The following KLF12 variants were observed in gnomAD, a reference collection of about 807,000 sequenced individuals.
KLF12 encodes KLF transcription factor 12.
KLF12 carries 9 observed loss-of-function variants against 37.8 expected under a neutral mutation model. The observed-to-expected ratio is 0.24, with a 90% CI of 0.14 to 0.42. The LOEUF (loss-of-function observed/expected upper bound fraction) is 0.42, where lower values mean the gene tolerates loss of function less well. Among genes scored for constraint, KLF12 ranks in the 10% least tolerant of loss-of-function variants. The pLI is 1.00. For missense variants in KLF12, 411 were observed against 516.0 expected (o/e 0.80, Z 1.97); for synonymous variants, 208 against 202.1 (o/e 1.03, Z -0.25).
At chr13:74,092,296 C>CAAAAA (rs35528942) in intron 1 of KLF12, among the ~76,000 whole-genome samples, 16 of 136,860 alleles carry the variant, frequency 1.2e-4, no homozygotes, top group African/African-American at 1.4e-4. Context: ...GACTCCGTCT[C>CAAAAA]AAAAAAAAAA....
chr13:74,192,678 C>G, the KLF12 span, among the ~76,000 whole-genome samples: 4 of 151,678 alleles, frequency 2.6e-5, no homozygotes, highest in East Asian at 3.9e-4. Flanking sequence ...AATGGCAGAG[C>G]TATGATCTAC....
intron 2 of KLF12, among the ~76,000 whole-genome samples, chr13:73,971,692 A>G (rs1170243148): frequency 6.6e-6 from 1 of 152,188 alleles, no homozygotes; most frequent in Non-Finnish European, 1.5e-5. Context: ...TACTGACGTC[A>G]ATGAAAATAC....
intron 3 of KLF12, among the ~76,000 whole-genome samples, chr13:73,920,049 C>T (rs1010354476): frequency 6.6e-6 from 1 of 152,174 alleles, no homozygotes; most frequent in Non-Finnish European, 1.5e-5. Context: ...CTACTGTTAG[C>T]ATCTTTTCTC....
chr13:73,691,630 T>A lies in KLF12; in HGVS notation c.*3860A>T, dbSNP rs1028690530. Reference sequence around the variant, plus strand: ...TAGAACAACATCATGGCTACATTTCTAAGCAGTCATAACAACATAACAAAG... The same window carrying A: ...TAGAACAACATCATGGCTACATTTCAAAGCAGTCATAACAACATAACAAAG... On this transcript the variant is annotated 3_prime_UTR_variant, in exon 8 of 8. Coordinates refer to ENST00000377669, the MANE Select transcript of KLF12 (RefSeq NM_007249.5). 1 of 152,640 alleles carries A rather than the reference T, an allele frequency of 6.6e-6. No individual in the cohort carries two copies. The highest frequency in any genetic ancestry group is 1.5e-5 in the Non-Finnish European group (1 of 68,038). 9.5% of individuals were successfully genotyped at this position (152,640 alleles called of 1,614,324 possible). A position where few individuals can be genotyped will look rare whatever the true frequency, so the allele number is the denominator to read the frequency against.
intron 5 of KLF12, among the ~76,000 whole-genome samples, chr13:73,784,820 T>C (rs1446813461): frequency 6.6e-6 from 1 of 152,110 alleles, no homozygotes; most frequent in East Asian, 1.9e-4. Flanking sequence ...GCATTTTTTG[T>C]AGAGACGGGG....
At chr13:73,750,661 T>C (rs966200372) in intron 6 of KLF12, among the ~76,000 whole-genome samples, 9 of 152,202 alleles carry the variant, frequency 5.9e-5, no homozygotes, top group Admixed American at 3.9e-4. Context: ...CTGGGGTACA[T>C]GTGCAGGACA....
intron 3 of KLF12, among the ~76,000 whole-genome samples, chr13:73,885,078 G>A (rs1481744962): frequency 6.6e-6 from 1 of 152,132 alleles, no homozygotes; most frequent in Non-Finnish European, 1.5e-5. Context: ...TACTTTCCTA[G>A]GTAATCTCAC....
chr13:73,870,490 T>G (rs918593368), intron 3 of KLF12, among the ~76,000 whole-genome samples: 1 of 152,208 alleles, frequency 6.6e-6, no homozygotes, highest in Non-Finnish European at 1.5e-5. Flanking sequence ...TATTCTGACA[T>G]AGAGATAAAA....
intron 1 of KLF12, among the ~76,000 whole-genome samples, chr13:74,070,144 CAAG>C (rs775496886): frequency 4.6e-5 from 7 of 152,244 alleles, no homozygotes; most frequent in Non-Finnish European, 7.4e-5. Flanking sequence ...AATTTAGAGA[CAAG>C]AAGGAGAGGA....
At chr13:73,841,021 C>A (rs1335557620) in intron 4 of KLF12, among the ~76,000 whole-genome samples, 1 of 152,186 alleles carries the variant, frequency 6.6e-6, no homozygotes, top group African/African-American at 2.4e-5. Flanking sequence ...CTGTGCCCCT[C>A]TCCCATTAAC....
At chr13:74,182,110 A>G in the KLF12 span, among the ~76,000 whole-genome samples, 1 of 152,246 alleles carries the variant, frequency 6.6e-6, no homozygotes, top group Non-Finnish European at 1.5e-5. Flanking sequence ...ATGAAAATAA[A>G]TTGATAAGTG....
intron 3 of KLF12, among the ~76,000 whole-genome samples, chr13:73,943,628 A>T (rs1377299360): frequency 6.6e-6 from 1 of 152,202 alleles, no homozygotes; most frequent in Non-Finnish European, 1.5e-5. Context: ...AGAATCAACC[A>T]AACTATGATG....
the KLF12 span, among the ~76,000 whole-genome samples, chr13:74,175,854 C>T: frequency 6.6e-6 from 1 of 152,190 alleles, no homozygotes; most frequent in Admixed American, 6.5e-5. Context: ...TTGATGCCAG[C>T]TAATTCCAGG....
chr13:74,133,561 C>G (rs1451699868), intron 1 of KLF12, among the ~76,000 whole-genome samples: 3 of 151,984 alleles, frequency 2.0e-5, no homozygotes, highest in Non-Finnish European at 2.9e-5. Context: ...GGCCCCCTCC[C>G]GCTTCCCAGC....
the KLF12 span, among the ~76,000 whole-genome samples, chr13:74,142,971 C>A: frequency 6.6e-6 from 1 of 151,964 alleles, no homozygotes; most frequent in Non-Finnish European, 1.5e-5. Flanking sequence ...AAAATCAATT[C>A]TTAATAAAGA....
chr13:73,974,310 C>A (rs200066034), intron 2 of KLF12, among the ~76,000 whole-genome samples: 39 of 146,252 alleles, frequency 2.7e-4, no homozygotes, highest in African/African-American at 5.1e-4. Context: ...AACTTCAAGA[C>A]AAAAAAAAAA....
At chr13:74,108,606 T>C (rs879072414) in intron 1 of KLF12, among the ~76,000 whole-genome samples, 18 of 152,198 alleles carry the variant, frequency 1.2e-4, no homozygotes, top group Admixed American at 9.2e-4. Context: ...TAGCTGACTA[T>C]TGACCTAAGC....
At chr13:73,997,043 A>T (rs1892139983) in intron 1 of KLF12, among the ~76,000 whole-genome samples, 1 of 152,170 alleles carries the variant, frequency 6.6e-6, no homozygotes, top group Non-Finnish European at 1.5e-5. Context: ...TCTACAATTT[A>T]AATTTATATT....
chr13:74,261,762 G>T, the KLF12 span, among the ~76,000 whole-genome samples: 18 of 152,180 alleles, frequency 1.2e-4, no homozygotes, highest in African/African-American at 4.3e-4. Flanking sequence ...GCATGGATTT[G>T]CTATGAAGCC....
Sources: allele counts gnomAD v4.1 joint callset (sites outside exome capture counted in the v4.1 genomes callset), GRCh38; gene constraint gnomAD v4.1.1; transcripts MANE v1.5; gene names NCBI Gene and HGNC (gene_info 2026-07-23, HGNC 2026-07-21).